Variants in ZNF879 observed in about 807,000 individuals in gnomAD.
ZNF879 encodes zinc finger protein 879.
Under a neutral mutation model 44.3 loss-of-function variants are expected in ZNF879, and 32 were observed. That is an observed-to-expected ratio of 0.72 (90% CI 0.54 to 0.97). ZNF879 has a LOEUF of 0.97. Among genes scored for constraint, ZNF879 ranks in the 50% least tolerant of loss-of-function variants. The pLI, the probability that ZNF879 is intolerant of heterozygous loss-of-function variation, is 0.00. For synonymous variants in ZNF879, 234 were observed against 233.2 expected (o/e 1.00, Z -0.03); for missense variants, 621 against 669.7 (o/e 0.93, Z 0.80).
chr5:179,028,193 C>A, intron 4 of ZNF879, 66 bp downstream of exon 4: 1 of 1,449,920 alleles, frequency 6.9e-7, no homozygotes, highest in Non-Finnish European at 9.5e-7. Flanking sequence ...AGCGAGGAGG[C>A]TGCGCTCAAG....
Position 179,032,399 on chromosome 5 carries a change from A to T in ZNF879, c.451A>T (p.Lys151Ter). 1 of 1,551,330 alleles carries T rather than the reference A, an allele frequency of 6.4e-7. No homozygotes were observed. The highest frequency in any genetic ancestry group is 8.7e-7 in the Non-Finnish European group (1 of 1,146,902). The part of the protein sequence containing the change: ...VLVTIKKVYM[K>*]ERSFKGVEFG... ...AGTTACCATCAAAAAAGTCTACATG[A>T]AGGAGAGGAGCTTTAAAGGTGTTGA... Residue 151 changes from lysine to a stop codon, truncating the protein, a stop_gained, in exon 5 of 5, where the codon AAG (lysine) becomes TAG (stop). Coordinates refer to ENST00000444149, the MANE Select transcript of ZNF879 (RefSeq NM_001136116.3). LOFTEE classifies it high-confidence loss of function.
At chr5:179,025,287 A>G (rs1252411725) in intron 2 of ZNF879, among the ~76,000 whole-genome samples, 1 of 151,338 alleles carries the variant, frequency 6.6e-6, no homozygotes, top group Non-Finnish European at 1.5e-5. Flanking sequence ...TGGCACGGAC[A>G]TGGCTCACTG....
Position 179,033,124 on chromosome 5 carries a change from A to G in ZNF879, c.1176A>G (p.Arg392=). ...SYHSALIIHQ[R]IHTGEKPYAC... is the part of the protein sequence containing the mutation. ...ACTCAGCCCTTATCATACATCAGAG[A>G]ATTCACACTGGTGAGAAACCATATG... The change falls in exon 5 of 5, where the codon AGA becomes AGG. Residue 392 remains arginine (R), a synonymous_variant. Coordinates refer to ENST00000444149, the MANE Select transcript of ZNF879 (RefSeq NM_001136116.3). 1.3e-6 allele frequency: 2 copies of G among 1,582,862 alleles called. No individual in the cohort carries two copies. Among genetic ancestry groups the G allele is most frequent in the Non-Finnish European group, 1.7e-6 (2 of 1,164,236 alleles).
At chr5:179,032,138 G>A in intron 4 of ZNF879, 67 bp from the exon 5 acceptor site, 1 of 1,158,986 alleles carries the variant, frequency 8.6e-7, no homozygotes, top group Non-Finnish European at 1.2e-6. Flanking sequence ...AACTATCCTT[G>A]TGCGTTTTTA....
At chr5:179,028,685 ATTC>A (rs907520057) in intron 4 of ZNF879, among the ~76,000 whole-genome samples, 2 of 152,140 alleles carry the variant, frequency 1.3e-5, no homozygotes, top group Non-Finnish European at 2.9e-5. Context: ...TCATCACGCT[ATTC>A]TTCTCTTTTC....
intron 2 of ZNF879, among the ~76,000 whole-genome samples, chr5:179,025,569 A>G (rs1761241476): frequency 6.6e-6 from 1 of 152,216 alleles, no homozygotes; most frequent in Admixed American, 6.5e-5. Context: ...TTTGTGAAAG[A>G]TCCAGGTGTT....
Position 179,026,235 on chromosome 5 carries a change from A to G in ZNF879, c.33+1198A>G, listed in dbSNP as rs149742445. Among the ~76,000 whole-genome samples the G allele has an allele frequency of 2.6e-4, 39 of 152,364 alleles. No homozygotes were observed. The East Asian group carries it at 6.2e-3, about 24-fold the overall frequency. Reference sequence around the variant, plus strand: ...CTAAACATCCAGTGCTAGGGGAGTTACATAAACTAGATCATCTGTACACTG... The same window carrying G: ...CTAAACATCCAGTGCTAGGGGAGTTGCATAAACTAGATCATCTGTACACTG... On this transcript the variant is annotated intron_variant, in intron 2 of 4. Transcript: ENST00000444149.
intron 4 of ZNF879, among the ~76,000 whole-genome samples, chr5:179,031,441 C>G (rs947687187): frequency 6.6e-6 from 1 of 152,168 alleles, no homozygotes; most frequent in East Asian, 1.9e-4. Context: ...ACTGGAATCA[C>G]CTTTATACCC....
rs1761477720 is a variant in ZNF879 at position 179,033,057 on chromosome 5, A to G, written c.1109A>G (p.Lys370Arg). 1.3e-6 allele frequency: 2 copies of G among 1,561,054 alleles called. No individual in the cohort carries two copies. The highest frequency in any genetic ancestry group is 1.7e-6 in the Non-Finnish European group (2 of 1,152,658). Residue 370 changes from lysine to arginine, a missense_variant, in exon 5 of 5, where the codon AAA (lysine) becomes AGA (arginine). Coordinates refer to ENST00000444149, the MANE Select transcript of ZNF879 (RefSeq NM_001136116.3). ...SRHHRIHTGE[K>R]PFHCNECGKV... is the part of the protein sequence containing the mutation. ...CACCATCGAATTCATACTGGAGAGA[A>G]ACCCTTTCATTGTAACGAGTGTGGA...
In ZNF879 at chr5:179,032,189, G is replaced by A; in HGVS notation, c.257-16G>A. On this transcript the variant is annotated splice_polypyrimidine_tract_variant and intron_variant, in intron 4 of 4. Coordinates refer to ENST00000444149, the MANE Select transcript of ZNF879 (RefSeq NM_001136116.3). ...TTCTGAGTTCAAGAGAGACTTATAT[G>A]TTTTGTCTACTTTAGGATGGGAAAG... The A allele has an allele frequency of 6.8e-7, 1 of 1,476,344 alleles. No individual in the cohort carries two copies. Among genetic ancestry groups the A allele is most frequent in the Non-Finnish European group, 9.0e-7 (1 of 1,113,958 alleles). The allele number at this position is 1,476,344 out of a possible 1,614,324, so 91.5% of individuals were successfully genotyped here. A position where few individuals can be genotyped will look rare whatever the true frequency, so the allele number is the denominator to read the frequency against.
At chr5:179,029,054 T>C (rs1761353788) in intron 4 of ZNF879, among the ~76,000 whole-genome samples, 1 of 146,496 alleles carries the variant, frequency 6.8e-6, no homozygotes, top group Admixed American at 6.8e-5. Context: ...GTTGTTTTTT[T>C]CTCTCCTCTG....
rs1761462412 is a variant in ZNF879, at chr5:179,032,793, A to G, written c.845A>G (p.His282Arg). 6.4e-7 allele frequency: 1 copy of G among 1,554,434 alleles called. No homozygotes were observed. ...TTSLIGHQRM[H>R]TGERPYKCKE... The stretch of plus-strand genomic sequence containing the variant: ...TCTCTTATTGGACACCAGAGAATGC[A>G]TACTGGAGAGAGACCTTATAAATGC... Residue 282 changes from histidine (H) to arginine (R), a missense_variant, in exon 5 of 5, where the codon CAT (histidine) becomes CGT (arginine). Transcript: ENST00000444149.
At chr5:179,029,970 G>T (rs1316194593) in intron 4 of ZNF879, among the ~76,000 whole-genome samples, 1 of 152,170 alleles carries the variant, frequency 6.6e-6, no homozygotes, top group East Asian at 1.9e-4. Context: ...ATATTGCTAA[G>T]ATGGTTATGG....
At position 179,027,540 on chromosome 5, in the gene ZNF879, C is replaced by T. The variant is rs1761303901; in HGVS notation, c.101C>T (p.Ala34Val). The T allele has an allele frequency of 6.2e-7, 1 of 1,614,130 alleles. No individual in the cohort carries two copies. The highest frequency in any genetic ancestry group is 2.2e-5 in the East Asian group (1 of 44,868). ...SQDEWLHLDSAQRALYREVML... is the reference protein window; with the variant it reads ...SQDEWLHLDSVQRALYREVML... ...GACGAGTGGTTGCACCTGGACTCTGCCCAGAGAGCCTTGTACCGGGAGGTG... is the reference window on the plus strand; with the variant it reads ...GACGAGTGGTTGCACCTGGACTCTGTCCAGAGAGCCTTGTACCGGGAGGTG... Residue 34 changes from alanine (A) to valine (V), a missense_variant, in exon 3 of 5, where the codon GCC (alanine) becomes GTC (valine). By Grantham distance (64) the Ala-to-Val change is moderately conservative (BLOSUM62 0). Coordinates refer to ENST00000444149, the MANE Select transcript of ZNF879 (RefSeq NM_001136116.3).
chr5:179,033,775 A>T lies in ZNF879; in HGVS notation c.*135A>T. ...TCAGCATTAGACCTCATCACACATC[A>T]GAGACTTCATGATGCAGGGTAACCT... On this transcript the variant is annotated 3_prime_UTR_variant, in exon 5 of 5. Transcript: ENST00000444149. 1 of 597,806 alleles carries T rather than the reference A, an allele frequency of 1.7e-6. No individual in the cohort carries two copies. Among genetic ancestry groups the T allele is most frequent in the South Asian group, 2.9e-5 (1 of 34,852 alleles). The allele number at this position is 597,806 out of a possible 1,614,324, so 37.0% of individuals were successfully genotyped here.
At chr5:179,032,132 A>G (rs1761432331) in intron 4 of ZNF879, 73 bp from the exon 5 acceptor site, 10 of 1,126,202 alleles carry the variant, frequency 8.9e-6, no homozygotes, top group African/African-American at 4.8e-5. Flanking sequence ...TTTTTTAACT[A>G]TCCTTGTGCG....
Position 179,025,483 on chromosome 5 carries a change from C to T in ZNF879, c.33+446C>T, listed in dbSNP as rs552357644. On this transcript the variant is annotated intron_variant, in intron 2 of 4. Coordinates refer to ENST00000444149, the MANE Select transcript of ZNF879 (RefSeq NM_001136116.3). ...GGGACTATGGGCGTGAGCCACCGCG[C>T]CCGGCCCCCAGTCTCATGCTTTTTG... Among the ~76,000 whole-genome samples the T allele has an allele frequency of 1.1e-4, 16 of 152,336 alleles. No homozygotes were observed. The South Asian group carries it at 2.9e-3, about 28-fold the overall frequency.
At chr5:179,028,170 A>C in intron 4 of ZNF879, 43 bp downstream of exon 4, 2 of 1,526,112 alleles carry the variant, frequency 1.3e-6, no homozygotes, top group Non-Finnish European at 8.9e-7. Context: ...ACATTTTCCC[A>C]CTGCCAGGGC....
At chr5:179,028,155 G>A (rs1291673344) in intron 4 of ZNF879, 28 bp downstream of exon 4, 1 of 1,542,476 alleles carries the variant, frequency 6.5e-7, no homozygotes, top group East Asian at 2.4e-5. Context: ...TGGGAGATGG[G>A]CATAACATTT....
Sources: gnomAD v4.1 joint callset for allele counts (sites outside exome capture counted in the v4.1 genomes callset) on GRCh38, gnomAD v4.1.1 for gene constraint, MANE v1.5 for transcripts, NCBI Gene and HGNC (gene_info 2026-07-23, HGNC 2026-07-21) for gene names.